TRPV4: variants seen among roughly 807,000 people sequenced by gnomAD.
TRPV4 encodes the protein OSM9-like transient receptor potential channel 4.
A neutral mutation model predicts 84.1 loss-of-function variants in TRPV4; 58 were observed. The ratio of observed to expected loss-of-function variants is 0.69; its 90% confidence interval spans 0.56 to 0.86. The LOEUF (loss-of-function observed/expected upper bound fraction) is 0.86. Ranked by LOEUF, TRPV4 falls within the 40% of genes least tolerant of loss-of-function variation. TRPV4 has a pLI of 0.00. For missense variants in TRPV4, 879 were observed against 1,181.1 expected, an observed-to-expected ratio of 0.74 and a Z score of 3.75; for synonymous variants, 489 against 500.9, an observed-to-expected ratio of 0.98 and a Z score of 0.32.
At chr12:109,794,212 T>C in intron 8 of TRPV4, 117 bp downstream of exon 8, 1 of 1,406,562 alleles carries the variant, frequency 7.1e-7, no homozygotes, top group Non-Finnish European at 9.8e-7. Context: ...CCCAACCTGT[T>C]CCTAAACCTT....
intron 1 of TRPV4, among the ~76,000 whole-genome samples, chr12:109,827,458 G>A (rs944255322): frequency 6.6e-6 from 1 of 151,988 alleles, no homozygotes; most frequent in Non-Finnish European, 1.5e-5. Flanking sequence ...GGACAGGAGT[G>A]AGCCAGACCC....
intron 1 of TRPV4, among the ~76,000 whole-genome samples, chr12:109,822,505 G>C (rs1198030446): frequency 1.3e-5 from 2 of 152,210 alleles, no homozygotes; most frequent in Non-Finnish European, 2.9e-5. Context: ...CCACCTTCCA[G>C]GTAAGAAAAC....
At chr12:109,809,425 GATCCATCCATCCATCCACCCACTC>G (rs1212025907) in intron 2 of TRPV4, among the ~76,000 whole-genome samples, 2 of 91,050 alleles carry the variant, frequency 2.2e-5, no homozygotes, top group Non-Finnish European at 4.6e-5. Flanking sequence ...ATCCCTCACT[GATCCATCCATCCATCCACCCACTC>G]ATCCATCCAT....
At chr12:109,825,565 C>T (rs902488889) in intron 1 of TRPV4, among the ~76,000 whole-genome samples, 2 of 152,112 alleles carry the variant, frequency 1.3e-5, no homozygotes, top group Non-Finnish European at 2.9e-5. Context: ...CTTCCCGGCT[C>T]CAAAACCAGG....
At chr12:109,802,614 A>ATTTTTT (rs34679148) in intron 4 of TRPV4, among the ~76,000 whole-genome samples, 1 of 103,540 alleles carries the variant, frequency 9.7e-6, no homozygotes. Flanking sequence ...CTTTTATTTT[A>ATTTTTT]TTTTTTTTTT....
chr12:109,802,280 C>T (rs1028115204), intron 4 of TRPV4, among the ~76,000 whole-genome samples: 5 of 151,672 alleles, frequency 3.3e-5, no homozygotes, highest in African/African-American at 1.2e-4. Context: ...CAGGTGTGCA[C>T]CAACAAGCCT....
chr12:109,823,487 G>A (rs543714599), intron 1 of TRPV4, among the ~76,000 whole-genome samples: 45 of 152,190 alleles, frequency 3.0e-4, no homozygotes, highest in Non-Finnish European at 5.4e-4. Flanking sequence ...CAAGGGTCCC[G>A]GCCCCTGGGT....
At position 109,808,469 on chromosome 12, in the gene TRPV4, C is replaced by T. The variant is rs1891283706; in HGVS notation, c.387-1G>A. 1 of 1,610,932 alleles carries T rather than the reference C, an allele frequency of 6.2e-7. No homozygotes were observed. Among genetic ancestry groups the T allele is most frequent in the Admixed American group, 1.7e-5 (1 of 59,944 alleles). On this transcript the variant is annotated splice_acceptor_variant, in intron 2 of 15. Coordinates refer to ENST00000261740, the MANE Select transcript of TRPV4 (RefSeq NM_021625.5). LOFTEE classifies it high-confidence loss of function. ...GGCTTTGGGGCTCTGCGGCTGCTTCCTGGAGGAGGTAGGGAGGCAAGTTGA... is the reference window on the plus strand; with the variant it reads ...GGCTTTGGGGCTCTGCGGCTGCTTCTTGGAGGAGGTAGGGAGGCAAGTTGA...
intron 2 of TRPV4, among the ~76,000 whole-genome samples, chr12:109,811,428 TG>T (rs1343072423): frequency 2.0e-5 from 3 of 151,898 alleles, no homozygotes; most frequent in Non-Finnish European, 2.9e-5. Flanking sequence ...GAGGCCGAGG[TG>T]GGCAGGTCAC....
intron 2 of TRPV4, among the ~76,000 whole-genome samples, chr12:109,812,488 A>G (rs1457883455): frequency 2.0e-5 from 3 of 152,258 alleles, no homozygotes; most frequent in African/African-American, 7.2e-5. Flanking sequence ...TGTGCCAGGA[A>G]GAGAAGGTAG....
In TRPV4 at chr12:109,818,806, A is replaced by G. The variant is rs980666533; in HGVS notation, c.-31-3979T>C. 2.6e-5 allele frequency among the ~76,000 whole-genome samples: 4 copies of G among 152,114 alleles called. No homozygotes were observed. The South Asian group carries it at 8.3e-4, about 31-fold the overall frequency. On this transcript the variant is annotated intron_variant, in intron 1 of 15. Transcript: ENST00000261740. ...TCCTTACTCCCCTTCCCCAAAACAC[A>G]CATGCACACACGTGCCAGCACTACA...
At chr12:109,804,310 A>G (rs1387534993) in intron 3 of TRPV4, among the ~76,000 whole-genome samples, 1 of 152,172 alleles carries the variant, frequency 6.6e-6, no homozygotes, top group Non-Finnish European at 1.5e-5. Context: ...GGGCAAAATC[A>G]GCCAGGGGCT....
At chr12:109,795,781 T>C (rs1432837923) in intron 7 of TRPV4, among the ~76,000 whole-genome samples, 2 of 152,170 alleles carry the variant, frequency 1.3e-5, no homozygotes, top group African/African-American at 4.8e-5. Flanking sequence ...AGGATCTCAC[T>C]CTGTCACCCA....
chr12:109,797,868 CACA>C (rs1179335265), intron 6 of TRPV4, among the ~76,000 whole-genome samples: 2 of 152,150 alleles, frequency 1.3e-5, no homozygotes, highest in African/African-American at 4.8e-5. Context: ...CCGCATTTGT[CACA>C]ACACCACACC....
intron 14 of TRPV4, among the ~76,000 whole-genome samples, chr12:109,784,686 A>T (rs1304254148): frequency 6.6e-6 from 1 of 150,376 alleles, no homozygotes; most frequent in African/African-American, 2.5e-5. Context: ...AAAAAAATTA[A>T]AAAAAAAATT....
chr12:109,783,855 T>G lies in TRPV4; in HGVS notation c.2459-77A>C. ...GTGCGTATATTGAGTGCCTACTGTG[T>G]ACTGGGCACTCCACAGTGTTCTGAA... On this transcript the variant is annotated intron_variant, in intron 15 of 15. Transcript: ENST00000261740. The surrounding 1 kb of genome is among the most constrained non-coding windows in gnomAD (Gnocchi z 4.6). 1 of 1,509,266 alleles carries G rather than the reference T, an allele frequency of 6.6e-7. No homozygotes were observed. The highest frequency in any genetic ancestry group is 9.1e-7 in the Non-Finnish European group (1 of 1,103,138). 93.5% of individuals were successfully genotyped at this position (1,509,266 alleles called of 1,614,324 possible). A position where few individuals can be genotyped will look rare whatever the true frequency, so the allele number is the denominator to read the frequency against.
rs114175258 is a variant in TRPV4, at chr12:109,828,468, C to T, written c.-32+4882G>A. Among the ~76,000 whole-genome samples, 1,402 of 152,294 alleles carry T rather than the reference C, an allele frequency of 9.2e-3. 19 individuals are homozygous for T. The highest frequency in any genetic ancestry group is 0.031 in the African/African-American group (1,308 of 41,564). On this transcript the variant is annotated intron_variant, in intron 1 of 15. Coordinates refer to ENST00000261740, the MANE Select transcript of TRPV4 (RefSeq NM_021625.5). ...GGCCACTGGGGTGCCAGCTCATGGGCTGCAAGGGCACCCGAGGTTGAAGGA... is the reference window on the plus strand; with the variant it reads ...GGCCACTGGGGTGCCAGCTCATGGGTTGCAAGGGCACCCGAGGTTGAAGGA...
rs1468829207 is a variant in TRPV4, at chr12:109,793,354, CT to C, written c.1658+172del. The C allele has an allele frequency of 1.2e-4, 77 of 662,264 alleles. No homozygotes were observed. Among genetic ancestry groups the C allele is most frequent in the Non-Finnish European group, 1.8e-4 (67 of 363,086 alleles). 41.0% of individuals were successfully genotyped at this position (662,264 alleles called of 1,614,324 possible). A position where few individuals can be genotyped will look rare whatever the true frequency, so the allele number is the denominator to read the frequency against. On this transcript the variant is annotated intron_variant, in intron 10 of 15. Transcript: ENST00000261740. This position sits in a 1 kb window ranked among gnomAD's most constrained non-coding sequence, Gnocchi z 4.0. ...TAACTCCCTAGCAATCAGAATTTTT[CT>C]TGAACCAGAAGACCCTATTGTTTGT...
chr12:109,817,582 TG>T (rs1891915134), intron 1 of TRPV4, among the ~76,000 whole-genome samples: 1 of 152,212 alleles, frequency 6.6e-6, no homozygotes, highest in Non-Finnish European at 1.5e-5. Context: ...TCCCAGCAAC[TG>T]TCAACCTGTA....
Sources: allele counts gnomAD v4.1 joint callset (sites outside exome capture counted in the v4.1 genomes callset), GRCh38; gene constraint gnomAD v4.1.1; non-coding constraint Gnocchi (gnomAD v3.1); transcripts MANE v1.5; gene names NCBI Gene and HGNC (gene_info 2026-07-23, HGNC 2026-07-21).